The following TMC2 variants were observed in gnomAD, a reference collection of about 807,000 sequenced individuals.
TMC2 encodes transmembrane channel like 2, also known as transmembrane channel-like protein 2.
A neutral mutation model predicts 105.9 loss-of-function variants in TMC2; 102 were observed. That is an observed-to-expected ratio of 0.96 (90% confidence interval 0.82 to 1.14). TMC2 has a LOEUF of 1.14. Among genes scored for constraint, TMC2 ranks in the 50% most tolerant of loss-of-function variants. The probability of loss-of-function intolerance (pLI) is 0.00; values close to 1 mark genes in which losing one functional copy is unlikely to be tolerated. For missense variants in TMC2, 1,093 were observed against 1,134.3 expected (o/e 0.96, Z 0.52); for synonymous variants, 402 against 422.8 (o/e 0.95, Z 0.60).
chr20:2,615,883 G>A (rs895078620), intron 14 of TMC2, among the ~76,000 whole-genome samples: 30 of 152,214 alleles, frequency 2.0e-4, no homozygotes, highest in South Asian at 4.1e-4. Context: ...GATAGAAACT[G>A]TCATTTTTTT....
chr20:2,615,625 C>T lies in TMC2; in HGVS notation c.1873-512C>T, dbSNP rs184718123. Among the ~76,000 whole-genome samples the T allele has an allele frequency of 2.5e-3, 386 of 152,302 alleles. 1 individual carries two copies. The highest frequency in any genetic ancestry group is 3.6e-3 in the Non-Finnish European group (244 of 68,038). On this transcript the variant is annotated intron_variant, in intron 14 of 19. Transcript: ENST00000358864. Reference sequence around the variant, plus strand: ...GAACCAAGCTGGGTGCTTTCCTTTCCGTGAACTGCTCTCAGACTGGAGGAA... The same window carrying T: ...GAACCAAGCTGGGTGCTTTCCTTTCTGTGAACTGCTCTCAGACTGGAGGAA...
rs1276064402 is a variant in TMC2, at chr20:2,606,884, C to CTTTTT, written c.1414-3533_1414-3529dup. On this transcript the variant is annotated intron_variant, in intron 11 of 19. Transcript: ENST00000358864. ...TTTTAATATAGTTTTCCCTTAATTT[C>CTTTTT]TTTTTTCTTTTTTTTTTTTTTTTTT... Among the ~76,000 whole-genome samples, 23 of 88,240 alleles carry CTTTTT rather than the reference C, an allele frequency of 2.6e-4. 1 individual carries two copies. Among genetic ancestry groups the CTTTTT allele is most frequent in the African/African-American group, 1.1e-3 (19 of 16,646 alleles). 57.9% of individuals were successfully genotyped at this position (88,240 alleles called of 152,430 possible). A position where few individuals can be genotyped will look rare whatever the true frequency, so the allele number is the denominator to read the frequency against.
At chr20:2,599,868 C>T (rs1001055948) in intron 10 of TMC2, among the ~76,000 whole-genome samples, 8 of 152,258 alleles carry the variant, frequency 5.3e-5, no homozygotes, top group African/African-American at 1.9e-4. Flanking sequence ...TTGCCCCTCC[C>T]CTCTCTTGAA....
At position 2,579,384 on chromosome 20, in the gene TMC2, TTTTATTTATTTATTTA is replaced by T. The variant is rs140358031; in HGVS notation, c.727+185_727+200del. ...TGAACTTGTCAGGCCAAGATTTATTTTTTATTTATTTATTTATTTATTTATTTATTTATTTATTTAT... is the reference window on the plus strand; with the variant it reads ...TGAACTTGTCAGGCCAAGATTTATTTTTTATTTATTTATTTATTTATTTAT... On this transcript the variant is annotated intron_variant, in intron 6 of 19. Transcript: ENST00000358864. 4.0e-3 allele frequency among the ~76,000 whole-genome samples: 589 copies of T among 147,274 alleles called. 2 individuals are homozygous for T. Among genetic ancestry groups the T allele is most frequent in the African/African-American group, 0.011 (418 of 39,396 alleles).
chr20:2,594,316 C>T (rs2086289747), intron 8 of TMC2, among the ~76,000 whole-genome samples: 1 of 149,868 alleles, frequency 6.7e-6, no homozygotes, highest in Admixed American at 6.8e-5. Context: ...CAACCTCCAC[C>T]TCCCAGGTTC....
Position 2,602,317 on chromosome 20 carries a change from C to T in TMC2, c.1413+16C>T, listed in dbSNP as rs140756943. ...AAGGAATGAGGTAAGAAAAACATCG[C>T]TGATGAACTGAAGGTTGATGGCAAA... On this transcript the variant is annotated intron_variant, in intron 11 of 19. Transcript: ENST00000358864. 217 of 1,551,882 alleles carry T rather than the reference C, an allele frequency of 1.4e-4. No individual in the cohort carries two copies. The African/African-American group carries it at 2.6e-3, about 18-fold the overall frequency.
intron 8 of TMC2, among the ~76,000 whole-genome samples, chr20:2,593,137 G>A (rs570912001): frequency 9.9e-5 from 15 of 152,240 alleles, no homozygotes; most frequent in African/African-American, 3.4e-4. Context: ...GGGGAAGCAA[G>A]GCACTTCTTA....
chr20:2,601,787 C>A (rs2086353469), intron 10 of TMC2, among the ~76,000 whole-genome samples: 1 of 152,134 alleles, frequency 6.6e-6, no homozygotes, highest in Non-Finnish European at 1.5e-5. Flanking sequence ...GCCGAGATTG[C>A]ACCATTGCAC....
At chr20:2,609,748 C>T (rs2086421095) in intron 11 of TMC2, among the ~76,000 whole-genome samples, 1 of 152,120 alleles carries the variant, frequency 6.6e-6, no homozygotes, top group Non-Finnish European at 1.5e-5. Flanking sequence ...AGCCAAGGGT[C>T]AGTGTGAGAG....
chr20:2,639,479 G>T (rs980302470), intron 19 of TMC2, among the ~76,000 whole-genome samples: 1 of 152,180 alleles, frequency 6.6e-6, no homozygotes. Flanking sequence ...TGTTGTGCAG[G>T]TTTATAATCT....
At chr20:2,571,779 T>C (rs1025163360) in intron 4 of TMC2, among the ~76,000 whole-genome samples, 2 of 152,230 alleles carry the variant, frequency 1.3e-5, no homozygotes, top group East Asian at 1.9e-4. Flanking sequence ...GGCAGGTGAC[T>C]GCTTGAGCTC....
chr20:2,637,668 A>T, intron 19 of TMC2, 77 bp downstream of exon 19: 1 of 987,510 alleles, frequency 1.0e-6, no homozygotes, highest in Non-Finnish European at 1.6e-6. Flanking sequence ...ACAGCGTGAA[A>T]TCAGACTGTT....
intron 16 of TMC2, among the ~76,000 whole-genome samples, chr20:2,620,031 A>G (rs1369636641): frequency 1.3e-5 from 2 of 152,100 alleles, no homozygotes; most frequent in Non-Finnish European, 2.9e-5. Flanking sequence ...ATAAGCCATG[A>G]TTGCACCACT....
intron 2 of TMC2, among the ~76,000 whole-genome samples, chr20:2,557,298 G>A (rs553984640): frequency 1.3e-4 from 20 of 152,056 alleles, no homozygotes; most frequent in African/African-American, 4.3e-4. Flanking sequence ...TTTCAGTTTG[G>A]GAAGTTTCTA....
intron 7 of TMC2, among the ~76,000 whole-genome samples, chr20:2,587,113 G>A (rs2086236961): frequency 6.6e-6 from 1 of 151,884 alleles, no homozygotes; most frequent in African/African-American, 2.4e-5. Context: ...TTATTTGCAT[G>A]GTTCAAAATA....
chr20:2,602,725 G>C (rs537973699), intron 11 of TMC2, among the ~76,000 whole-genome samples: 4 of 152,338 alleles, frequency 2.6e-5, no homozygotes, highest in Admixed American at 2.6e-4. Flanking sequence ...ATATCTGATA[G>C]AGCGAGTTTT....
In TMC2 at chr20:2,641,316, G is replaced by C. The variant is rs2086687713; in HGVS notation, c.2686G>C (p.Ala896Pro). 1.2e-6 allele frequency: 2 copies of C among 1,613,976 alleles called. No homozygotes were observed. The highest frequency in any genetic ancestry group is 1.7e-5 in the Admixed American group (1 of 60,006). ...ATCTCAGACTCATCCGTGGAGGTCA[G>C]CCTCTGGAAAGAGTGCTCAGAGACC... ...APSQTHPWRS[A>P]SGKSAQRPPH Residue 896 changes from alanine to proline, a missense_variant, in exon 20 of 20, where the codon GCC becomes CCC. By Grantham distance (27) the Ala-to-Pro change is conservative. Coordinates refer to ENST00000358864, the MANE Select transcript of TMC2 (RefSeq NM_080751.3).
chr20:2,564,424 A>T (rs1279931736), intron 4 of TMC2, among the ~76,000 whole-genome samples: 1 of 152,044 alleles, frequency 6.6e-6, no homozygotes, highest in African/African-American at 2.4e-5. Flanking sequence ...TGCTGAGATT[A>T]CAGGCATGAG....
chr20:2,559,721 G>T (rs1403704355), intron 3 of TMC2, among the ~76,000 whole-genome samples: 1 of 151,884 alleles, frequency 6.6e-6, no homozygotes, highest in Non-Finnish European at 1.5e-5. Context: ...TTTTCCTGTC[G>T]CCATGCCAAC....
Sources: gnomAD v4.1 joint callset for allele counts (sites outside exome capture counted in the v4.1 genomes callset) on GRCh38, gnomAD v4.1.1 for gene constraint, MANE v1.5 for transcripts, NCBI Gene and HGNC (gene_info 2026-07-23, HGNC 2026-07-21) for gene names.